Variants in ZC3H12A observed in about 807,000 individuals in gnomAD.
ZC3H12A encodes the protein zinc finger CCCH-type containing 12A, also known as endoribonuclease ZC3H12A.
Under a neutral mutation model 29.9 loss-of-function variants are expected in ZC3H12A, and 9 were observed. That is an observed-to-expected ratio of 0.30 (90% CI 0.18 to 0.53). ZC3H12A has a LOEUF of 0.53. ZC3H12A is among the 20% of genes least tolerant of loss of function. ZC3H12A has a pLI of 0.96. For synonymous variants in ZC3H12A, 323 were observed against 338.1 expected, an observed-to-expected ratio of 0.96 and a Z score of 0.49; for missense variants, 617 against 799.0, an observed-to-expected ratio of 0.77 and a Z score of 2.75.
chr1:37,483,308 T>A lies in ZC3H12A; in HGVS notation c.1497T>A (p.Pro499=). 6.2e-7 allele frequency: 1 copy of A among 1,614,106 alleles called. No individual in the cohort carries two copies. The highest frequency in any genetic ancestry group is 8.5e-7 in the Non-Finnish European group (1 of 1,179,990). Residue 499 remains proline, a synonymous_variant, in exon 6 of 6, where the codon CCT becomes CCA. Coordinates refer to ENST00000373087, the MANE Select transcript of ZC3H12A (RefSeq NM_025079.3). ...TGGGTGCTGGCCACTTCAGTGTCCCTGCCGACTACCCACCCGCGCCCCCTG... is the reference window on the plus strand; with the variant it reads ...TGGGTGCTGGCCACTTCAGTGTCCCAGCCGACTACCCACCCGCGCCCCCTG... ...RAMGAGHFSV[P]ADYPPAPPAF... is the part of the protein sequence containing the mutation.
chr1:37,480,981 C>G (rs549519095), intron 3 of ZC3H12A, among the ~76,000 whole-genome samples: 8 of 152,220 alleles, frequency 5.3e-5, no homozygotes, highest in African/African-American at 1.9e-4. Context: ...ACTGTTCTTG[C>G]AAGAGCCCCC....
chr1:37,475,578 C>T lies in ZC3H12A; in HGVS notation c.82C>T (p.Arg28Cys), dbSNP rs750321919. 2.0e-5 allele frequency: 33 copies of T among 1,613,930 alleles called. No individual in the cohort carries two copies. The South Asian group carries it at 2.6e-4, about 13-fold the overall frequency. ...SLWEFEDSHS[R>C]QGTPRPGQEL... is the part of the protein sequence containing the mutation. ...GTGGGAATTTGAGGACAGCCACAGC[C>T]GTCAGGGCACCCCAAGGCCGGGTCA... The change falls in exon 2 of 6, where the codon CGT becomes TGT. Residue 28 changes from arginine to cysteine, a missense_variant. Physicochemically the swap from Arg to Cys is radical, Grantham distance 180. This residue lies in a region of ZC3H12A where 67 missense variants were observed against 56.2 expected (regional missense o/e 1.19). Transcript: ENST00000373087. The surrounding 1 kb of genome is among the most constrained non-coding windows in gnomAD (Gnocchi z 5.2).
At chr1:37,481,158 CT>C (rs1641693781) in intron 3 of ZC3H12A, among the ~76,000 whole-genome samples, 1 of 152,262 alleles carries the variant, frequency 6.6e-6, no homozygotes, top group South Asian at 2.1e-4. Flanking sequence ...GTGGCCTGAC[CT>C]TTTCCCACCA....
At position 37,481,634 on chromosome 1, in the gene ZC3H12A, A is replaced by T. The variant is rs201388317; in HGVS notation, c.617A>T (p.Lys206Met). 200 of 1,614,228 alleles carry T rather than the reference A, an allele frequency of 1.2e-4. No individual in the cohort carries two copies. The highest frequency in any genetic ancestry group is 1.6e-4 in the Middle Eastern group (1 of 6,062). Residue 206 changes from lysine (K) to methionine (M), a missense_variant, in exon 4 of 6, where the codon AAG (lysine) becomes ATG (methionine). Around this residue, in one of 5 missense-constraint regions of ZC3H12A, gnomAD observed 255 missense variants for 402.5 expected, o/e 0.63. Coordinates refer to ENST00000373087, the MANE Select transcript of ZC3H12A (RefSeq NM_025079.3). ...ATCCTGCGGGAACTGGAGAAGAAGAAGATCCTGGTGTTCACACCATCACGA... is the reference window on the plus strand; with the variant it reads ...ATCCTGCGGGAACTGGAGAAGAAGATGATCCTGGTGTTCACACCATCACGA... The part of the protein sequence containing the change: ...QHILRELEKK[K>M]ILVFTPSRRV...
Position 37,483,286 on chromosome 1 carries a change from G to A in ZC3H12A, c.1475G>A (p.Gly492Asp). 2 of 1,614,042 alleles carry A rather than the reference G, an allele frequency of 1.2e-6. No individual in the cohort carries two copies. Among genetic ancestry groups the A allele is most frequent in the South Asian group, 1.1e-5 (1 of 91,082 alleles). ...TTCTCTGCCTTTGGCCGGGCCATGG[G>A]TGCTGGCCACTTCAGTGTCCCTGCC... is the stretch of plus-strand genomic sequence containing the variant. Reference protein sequence around the residue: ...AAFSAFGRAMGAGHFSVPADY... With the variant: ...AAFSAFGRAMDAGHFSVPADY... Residue 492 changes from glycine (G) to aspartate (D), a missense_variant, in exon 6 of 6, where the codon GGT becomes GAT. Gly to Asp is a moderately conservative substitution (Grantham distance 94). Around this residue, in one of 5 missense-constraint regions of ZC3H12A, gnomAD observed 172 missense variants for 203.1 expected, o/e 0.85. Coordinates refer to ENST00000373087, the MANE Select transcript of ZC3H12A (RefSeq NM_025079.3).
rs1380745849 is a variant in ZC3H12A at position 37,483,922 on chromosome 1, T to A, written c.*311T>A. 3.4e-6 allele frequency: 1 copy of A among 295,750 alleles called. No individual in the cohort carries two copies. The highest frequency in any genetic ancestry group is 6.4e-6 in the Non-Finnish European group (1 of 157,274). 18.3% of individuals were successfully genotyped at this position (295,750 alleles called of 1,614,324 possible). On this transcript the variant is annotated 3_prime_UTR_variant, in exon 6 of 6. Transcript: ENST00000373087. ...CGTGGCTGAGGCCCAAACCGTCTTT[T>A]CTCTCAGAGGGTGGGGAGGGAGGTG...
rs1641637089 is a variant in ZC3H12A at position 37,478,584 on chromosome 1, G to C, written c.444-1706G>C. On this transcript the variant is annotated intron_variant, in intron 2 of 5. Coordinates refer to ENST00000373087, the MANE Select transcript of ZC3H12A (RefSeq NM_025079.3). The surrounding 1 kb of genome is among the most constrained non-coding windows in gnomAD (Gnocchi z 5.2). ...ATCCCTGCTCATTCCCTGCGATCAG[G>C]GTCTGTGCCTGCCTTCGTACCTGCC... Among the ~76,000 whole-genome samples, 1 of 152,156 alleles carries C rather than the reference G, an allele frequency of 6.6e-6. No homozygotes were observed. Among genetic ancestry groups the C allele is most frequent in the African/African-American group, 2.4e-5 (1 of 41,442 alleles).
chr1:37,481,434 C>G (rs1641699227), intron 3 of ZC3H12A, among the ~76,000 whole-genome samples, 167 bp from the exon 4 acceptor site: 1 of 150,432 alleles, frequency 6.6e-6, no homozygotes, highest in African/African-American at 2.5e-5. Flanking sequence ...TGTGCCACGC[C>G]AAGGGAGGGG....
Position 37,479,686 on chromosome 1 carries a change from C to G in ZC3H12A, c.444-604C>G. On this transcript the variant is annotated intron_variant, in intron 2 of 5. Coordinates refer to ENST00000373087, the MANE Select transcript of ZC3H12A (RefSeq NM_025079.3). The surrounding 1 kb of genome is among the most constrained non-coding windows in gnomAD (Gnocchi z 4.5). ...AAGGCTGGAGTCGCCAGCCCCTTCCCCTTTGCCTTTCTCAGGCCCCAGTCC... is the reference window on the plus strand; with the variant it reads ...AAGGCTGGAGTCGCCAGCCCCTTCCGCTTTGCCTTTCTCAGGCCCCAGTCC... 3.0e-6 allele frequency: 3 copies of G among 985,394 alleles called. No homozygotes were observed. Among genetic ancestry groups the G allele is most frequent in the Non-Finnish European group, 3.6e-6 (3 of 829,916 alleles). 61.0% of individuals were successfully genotyped at this position (985,394 alleles called of 1,614,324 possible).
Position 37,482,858 on chromosome 1 carries a change from A to T in ZC3H12A, c.1047A>T (p.Pro349=), listed in dbSNP as rs576715506. The T allele has an allele frequency of 3.7e-6, 6 of 1,613,872 alleles. No homozygotes were observed. In the African/African-American group the frequency reaches 8.0e-5, roughly 22 times the overall value. The change falls in exon 6 of 6, where the codon CCA becomes CCT. Residue 349 remains proline (P), a synonymous_variant. Coordinates refer to ENST00000373087, the MANE Select transcript of ZC3H12A (RefSeq NM_025079.3). ...CTCTCCTCTCACCCCCCAGAGCCCC[A>T]AGCAAGGACAAAAATGGCCGGCGGC... is the stretch of plus-strand genomic sequence containing the variant. ...ANALLSPPRA[P]SKDKNGRRPS...
In ZC3H12A at chr1:37,479,793, C is replaced by T. The variant is rs1346557139; in HGVS notation, c.444-497C>T. ...CAGCCCAGCCGGTGCTTCCCCCGCC[C>T]CCACCCACGCTGCAAGAGGCGAGGG... On this transcript the variant is annotated intron_variant, in intron 2 of 5. Transcript: ENST00000373087. This position sits in a 1 kb window ranked among gnomAD's most constrained non-coding sequence, Gnocchi z 4.5. 1 of 985,330 alleles carries T rather than the reference C, an allele frequency of 1.0e-6. No homozygotes were observed. Among genetic ancestry groups the T allele is most frequent in the Admixed American group, 6.1e-5 (1 of 16,270 alleles). 61.0% of individuals were successfully genotyped at this position (985,330 alleles called of 1,614,324 possible).
chr1:37,480,295 G>C lies in ZC3H12A; in HGVS notation c.449G>C (p.Gly150Ala), dbSNP rs1399837947. ...IDGSNVAMSHGNKEVFSCRGI... is the reference protein window; with the variant it reads ...IDGSNVAMSHANKEVFSCRGI... Reference sequence around the variant, plus strand: ...CCCTGTCCTCTCCCTCCCAGCCATGGGAACAAGGAGGTCTTCTCCTGCCGG... The same window carrying C: ...CCCTGTCCTCTCCCTCCCAGCCATGCGAACAAGGAGGTCTTCTCCTGCCGG... The change falls in exon 3 of 6, where the codon GGG (glycine) becomes GCG (alanine). Residue 150 changes from glycine to alanine, a missense_variant. By Grantham distance (60) the Gly-to-Ala change is moderately conservative (BLOSUM62 0). Coordinates refer to ENST00000373087, the MANE Select transcript of ZC3H12A (RefSeq NM_025079.3). 1 of 1,613,102 alleles carries C rather than the reference G, an allele frequency of 6.2e-7. No individual in the cohort carries two copies. Among genetic ancestry groups the C allele is most frequent in the South Asian group, 1.1e-5 (1 of 90,994 alleles).
In ZC3H12A at chr1:37,482,978, C is replaced by T; in HGVS notation, c.1167C>T (p.Ser389=). Residue 389 remains serine (S), a synonymous_variant, in exon 6 of 6, where the codon TCC becomes TCT. Coordinates refer to ENST00000373087, the MANE Select transcript of ZC3H12A (RefSeq NM_025079.3). ...TGGGGGCCCAGGCATCCCCAGGGTC[C>T]CGCCAAGAGGGTCTAACACAGACCT... is the stretch of plus-strand genomic sequence containing the variant. ...KKLGAQASPG[S]RQEGLTQTYA... is the part of the protein sequence containing the mutation. 1 of 1,611,792 alleles carries T rather than the reference C, an allele frequency of 6.2e-7. No homozygotes were observed. The highest frequency in any genetic ancestry group is 8.5e-7 in the Non-Finnish European group (1 of 1,179,210).
rs144878460 is a variant in ZC3H12A at position 37,476,535 on chromosome 1, G to T, written c.443+596G>T. On this transcript the variant is annotated intron_variant, in intron 2 of 5. Coordinates refer to ENST00000373087, the MANE Select transcript of ZC3H12A (RefSeq NM_025079.3). The surrounding 1 kb of genome is among the most constrained non-coding windows in gnomAD (Gnocchi z 6.0). ...TGTGGGCAGGTGGCCTGATGCTCTG[G>T]CCTCAGGCGAGCTGCAACTTGGATC... is the stretch of plus-strand genomic sequence containing the variant. Among the ~76,000 whole-genome samples the T allele has an allele frequency of 1.5e-3, 229 of 152,286 alleles. 2 individuals carry two copies. Among genetic ancestry groups the T allele is most frequent in the Admixed American group, 2.4e-3 (37 of 15,310 alleles).
In ZC3H12A at chr1:37,475,573, A is replaced by G; in HGVS notation, c.77A>G (p.His26Arg). 1 of 1,613,946 alleles carries G rather than the reference A, an allele frequency of 6.2e-7. No homozygotes were observed. The highest frequency in any genetic ancestry group is 2.2e-5 in the East Asian group (1 of 44,890). Residue 26 changes from histidine (H) to arginine (R), a missense_variant, in exon 2 of 6, where the codon CAC (histidine) becomes CGC (arginine). Around this residue, in one of 5 missense-constraint regions of ZC3H12A, gnomAD observed 67 missense variants for 56.2 expected, o/e 1.19. Coordinates refer to ENST00000373087, the MANE Select transcript of ZC3H12A (RefSeq NM_025079.3). The surrounding 1 kb of genome is among the most constrained non-coding windows in gnomAD (Gnocchi z 5.2). ...AGTCTGTGGGAATTTGAGGACAGCC[A>G]CAGCCGTCAGGGCACCCCAAGGCCG... ...TMSLWEFEDS[H>R]SRQGTPRPGQ...
Position 37,483,666 on chromosome 1 carries a change from G to A in ZC3H12A, c.*55G>A. 1 of 1,502,888 alleles carries A rather than the reference G, an allele frequency of 6.7e-7. No homozygotes were observed. Among genetic ancestry groups the A allele is most frequent in the Non-Finnish European group, 8.9e-7 (1 of 1,125,710 alleles). The allele number at this position is 1,502,888 out of a possible 1,614,324, so 93.1% of individuals were successfully genotyped here. On this transcript the variant is annotated 3_prime_UTR_variant, in exon 6 of 6. Transcript: ENST00000373087. ...CCAGCCTCCAAGGGCCGTCAGGCTG[G>A]GCTTTGGGCCATTGAGCAGCCCATT...
rs950437422 is a variant in ZC3H12A at position 37,476,134 on chromosome 1, C to T, written c.443+195C>T. Among the ~76,000 whole-genome samples the T allele has an allele frequency of 1.3e-5, 2 of 152,168 alleles. No individual in the cohort carries two copies. The highest frequency in any genetic ancestry group is 2.4e-5 in the African/African-American group (1 of 41,422). On this transcript the variant is annotated intron_variant, in intron 2 of 5. Coordinates refer to ENST00000373087, the MANE Select transcript of ZC3H12A (RefSeq NM_025079.3). The surrounding 1 kb of genome is among the most constrained non-coding windows in gnomAD (Gnocchi z 6.0). ...ACTGGTAAGTGACAGAGGCAGGGTT[C>T]CAGCCCAGGTCCCTCTGTCCGCAGA...
In ZC3H12A at chr1:37,475,591, C is replaced by T. The variant is rs115805535; in HGVS notation, c.95C>T (p.Pro32Leu). Reference protein sequence around the residue: ...FEDSHSRQGTPRPGQELAAEE... With the variant: ...FEDSHSRQGTLRPGQELAAEE... ...GACAGCCACAGCCGTCAGGGCACCCCAAGGCCGGGTCAAGAGCTGGCCGCT... is the reference window on the plus strand; with the variant it reads ...GACAGCCACAGCCGTCAGGGCACCCTAAGGCCGGGTCAAGAGCTGGCCGCT... The change falls in exon 2 of 6, where the codon CCA (proline) becomes CTA (leucine). Residue 32 changes from proline (P) to leucine (L), a missense_variant. This residue lies in a region of ZC3H12A where 67 missense variants were observed against 56.2 expected (regional missense o/e 1.19). Transcript: ENST00000373087. The surrounding 1 kb of genome is among the most constrained non-coding windows in gnomAD (Gnocchi z 5.2). 3,655 of 1,614,072 alleles carry T rather than the reference C, an allele frequency of 2.3e-3. 7 individuals are homozygous for T. Among genetic ancestry groups the T allele is most frequent in the Middle Eastern group, 3.0e-3 (18 of 6,048 alleles).
chr1:37,478,781 C>T lies in ZC3H12A; in HGVS notation c.444-1509C>T. 1 of 933,904 alleles carries T rather than the reference C, an allele frequency of 1.1e-6. No homozygotes were observed. Among genetic ancestry groups the T allele is most frequent in the Non-Finnish European group, 1.3e-6 (1 of 782,848 alleles). The allele number at this position is 933,904 out of a possible 1,614,324, so 57.9% of individuals were successfully genotyped here. ...GTATAGTGCCCTCCTCACAAGCTTGCTGATGATTCAGTGTTAGACACTTAT... is the reference window on the plus strand; with the variant it reads ...GTATAGTGCCCTCCTCACAAGCTTGTTGATGATTCAGTGTTAGACACTTAT... On this transcript the variant is annotated intron_variant, in intron 2 of 5. Transcript: ENST00000373087. The surrounding 1 kb of genome is among the most constrained non-coding windows in gnomAD (Gnocchi z 5.2).
Sources: allele counts gnomAD v4.1 joint callset (sites outside exome capture counted in the v4.1 genomes callset), GRCh38; gene constraint gnomAD v4.1.1; regional missense constraint gnomAD v4.1.1; non-coding constraint Gnocchi (gnomAD v3.1); transcripts MANE v1.5; gene names NCBI Gene and HGNC (gene_info 2026-07-23, HGNC 2026-07-21).